PKP4: variants seen among roughly 807,000 people sequenced by gnomAD.
The protein encoded by PKP4 is plakophilin-4.
PKP4 carries 90 observed loss-of-function variants against 145.1 expected under a neutral mutation model. That is an observed-to-expected ratio of 0.62 (90% CI 0.52 to 0.74). The LOEUF (loss-of-function observed/expected upper bound fraction) is 0.74. Ranked by LOEUF, PKP4 falls within the 30% of genes least tolerant of loss-of-function variation. The pLI, the probability that PKP4 is intolerant of heterozygous loss-of-function variation, is 0.00. For missense variants in PKP4, 1,340 were observed against 1,482.7 expected (o/e 0.90, Z 1.58); for synonymous variants, 563 against 577.2 (o/e 0.98, Z 0.35).
chr2:158,630,465 G>A (rs1323207432), intron 7 of PKP4, among the ~76,000 whole-genome samples: 4 of 152,056 alleles, frequency 2.6e-5, no homozygotes, highest in Non-Finnish European at 5.9e-5. Flanking sequence ...TAAAAGAAAG[G>A]AAAAACAATG....
intron 8 of PKP4, among the ~76,000 whole-genome samples, chr2:158,633,252 T>C (rs945087254): frequency 2.6e-5 from 4 of 152,258 alleles, no homozygotes; most frequent in African/African-American, 9.6e-5. Flanking sequence ...CATTCATTCA[T>C]GTGATAAAGT....
Position 158,502,749 on chromosome 2 carries a change from C to T in PKP4, c.-5-30431C>T, listed in dbSNP as rs373690618. 1.3e-4 allele frequency among the ~76,000 whole-genome samples: 20 copies of T among 152,260 alleles called. No homozygotes were observed. The East Asian group carries it at 3.1e-3, about 24-fold the overall frequency. ...AGGTGGTTCAAAAGTTGGGTTAACC[C>T]GCATGCTGATAGGAGTTAATGGTGA... On this transcript the variant is annotated intron_variant, in intron 1 of 21. Coordinates refer to ENST00000389759, the MANE Select transcript of PKP4 (RefSeq NM_003628.6).
chr2:158,600,872 G>C (rs2050169000), intron 3 of PKP4, among the ~76,000 whole-genome samples: 1 of 151,864 alleles, frequency 6.6e-6, no homozygotes, highest in African/African-American at 2.4e-5. Context: ...TATTATTGAG[G>C]CTTCCCATTG....
chr2:158,522,917 T>A (rs564955687), intron 1 of PKP4, among the ~76,000 whole-genome samples: 30 of 152,312 alleles, frequency 2.0e-4, no homozygotes, highest in Non-Finnish European at 4.3e-4. Context: ...ACTGCCCTTT[T>A]CAGACCGGCT....
At chr2:158,540,347 C>T (rs2044408760) in intron 2 of PKP4, among the ~76,000 whole-genome samples, 1 of 152,006 alleles carries the variant, frequency 6.6e-6, no homozygotes, top group Non-Finnish European at 1.5e-5. Context: ...ATAGTAGGTG[C>T]CCAAAATATT....
At chr2:158,592,634 T>C (rs1224360855) in intron 3 of PKP4, among the ~76,000 whole-genome samples, 1 of 152,154 alleles carries the variant, frequency 6.6e-6, no homozygotes, top group African/African-American at 2.4e-5. Flanking sequence ...TTACTCTGGA[T>C]AATTAGTAGA....
At chr2:158,488,714 CTATT>C (rs1321299254) in intron 1 of PKP4, among the ~76,000 whole-genome samples, 4 of 152,130 alleles carry the variant, frequency 2.6e-5, no homozygotes, top group South Asian at 2.1e-4. Context: ...AATGAATAGA[CTATT>C]TATTTGGGTG....
In PKP4 at chr2:158,503,231, G is replaced by A. The variant is rs78501624; in HGVS notation, c.-5-29949G>A. On this transcript the variant is annotated intron_variant, in intron 1 of 21. Coordinates refer to ENST00000389759, the MANE Select transcript of PKP4 (RefSeq NM_003628.6). ...TCATAGATGCATATCAACTCATGTAGAAGATATGTCAAAAGGAATTCCAGT... is the reference window on the plus strand; with the variant it reads ...TCATAGATGCATATCAACTCATGTAAAAGATATGTCAAAAGGAATTCCAGT... 1.1e-3 allele frequency among the ~76,000 whole-genome samples: 171 copies of A among 152,352 alleles called. 2 individuals carry two copies. The East Asian group carries it at 0.032, about 28-fold the overall frequency.
At chr2:158,597,809 TTTTG>T (rs921826090) in intron 3 of PKP4, among the ~76,000 whole-genome samples, 4 of 152,176 alleles carry the variant, frequency 2.6e-5, no homozygotes, top group Non-Finnish European at 5.9e-5. Flanking sequence ...ACACAATTAT[TTTTG>T]TTTATTTTTT....
At chr2:158,464,421 C>A (rs545623363) in intron 1 of PKP4, among the ~76,000 whole-genome samples, 4 of 152,130 alleles carry the variant, frequency 2.6e-5, no homozygotes, top group Non-Finnish European at 5.9e-5. Flanking sequence ...TTTAAAAATT[C>A]AGTGATGAAA....
chr2:158,636,653 A>G (rs1358676770), intron 9 of PKP4, among the ~76,000 whole-genome samples: 1 of 152,096 alleles, frequency 6.6e-6, no homozygotes, highest in Non-Finnish European at 1.5e-5. Context: ...TTAAACACAT[A>G]GGATCACTTT....
chr2:158,536,391 G>A (rs1169044020), intron 2 of PKP4, among the ~76,000 whole-genome samples: 1 of 152,154 alleles, frequency 6.6e-6, no homozygotes, highest in East Asian at 1.9e-4. Flanking sequence ...TTGCAAAGTA[G>A]TATCTTATAA....
intron 1 of PKP4, among the ~76,000 whole-genome samples, chr2:158,486,292 G>A (rs1399029241): frequency 1.3e-5 from 2 of 152,154 alleles, no homozygotes; most frequent in African/African-American, 2.4e-5. Flanking sequence ...TTGCAAAGTA[G>A]AATTGTTTTC....
chr2:158,678,897 G>C lies in PKP4; in HGVS notation c.3330+243G>C, dbSNP rs183868483. On this transcript the variant is annotated intron_variant, in intron 21 of 21. Transcript: ENST00000389759. ...CCGTGCCACTGATGGGGACAGCCGA[G>C]AAGTCTTTAGTTCATGTCTTTTGCC... The C allele has an allele frequency of 5.4e-6, 3 of 550,928 alleles. No homozygotes were observed. The African/African-American group carries it at 5.7e-5, about 10-fold the overall frequency. 34.1% of individuals were successfully genotyped at this position (550,928 alleles called of 1,614,324 possible).
intron 1 of PKP4, among the ~76,000 whole-genome samples, chr2:158,459,009 A>G (rs1241758649): frequency 6.6e-6 from 1 of 152,186 alleles, no homozygotes; most frequent in Admixed American, 6.5e-5. Flanking sequence ...AATGATGGCT[A>G]GTATGCATTT....
intron 1 of PKP4, among the ~76,000 whole-genome samples, chr2:158,523,373 C>T (rs1292912854): frequency 8.2e-6 from 1 of 122,354 alleles, no homozygotes; most frequent in Non-Finnish European, 1.7e-5. Flanking sequence ...CAGGGGCACA[C>T]TGACACCTCA....
intron 7 of PKP4, among the ~76,000 whole-genome samples, chr2:158,627,636 A>T (rs1331267515): frequency 8.1e-6 from 1 of 123,764 alleles, no homozygotes; most frequent in Non-Finnish European, 1.8e-5. Flanking sequence ...AATTTAAATG[A>T]TACAAACTAC....
chr2:158,459,641 CTT>C (rs753278688), intron 1 of PKP4, among the ~76,000 whole-genome samples: 18 of 152,134 alleles, frequency 1.2e-4, no homozygotes, highest in Admixed American at 7.9e-4. Context: ...CAACAGGAAA[CTT>C]TTATTATGTA....
At chr2:158,554,650 C>T (rs1408194357) in intron 2 of PKP4, among the ~76,000 whole-genome samples, 1 of 152,096 alleles carries the variant, frequency 6.6e-6, no homozygotes, top group Non-Finnish European at 1.5e-5. Context: ...TGGTCTCGAT[C>T]TCCTGACCTC....
Sources: gnomAD v4.1 joint callset for allele counts (sites outside exome capture counted in the v4.1 genomes callset) on GRCh38, gnomAD v4.1.1 for gene constraint, MANE v1.5 for transcripts, NCBI Gene and HGNC (gene_info 2026-07-23, HGNC 2026-07-21) for gene names.